The following TBC1D22A variants were observed in gnomAD, a reference collection of about 807,000 sequenced individuals.
The protein encoded by TBC1D22A is TBC1 domain family member 22A, also known as putative GTPase activator.
Under a neutral mutation model 60.2 loss-of-function variants are expected in TBC1D22A, and 38 were observed. That is an observed-to-expected ratio of 0.63 (90% CI 0.49 to 0.83). The LOEUF (loss-of-function observed/expected upper bound fraction) is 0.83, where lower values mean the gene tolerates loss of function less well. Ranked by LOEUF, TBC1D22A falls within the 40% of genes least tolerant of loss-of-function variation. The probability of loss-of-function intolerance (pLI) is 0.00; values close to 1 mark genes in which losing one functional copy is unlikely to be tolerated. For synonymous variants in TBC1D22A, 302 were observed against 281.7 expected (o/e 1.07, Z -0.72); for missense variants, 628 against 701.0 (o/e 0.90, Z 1.18).
intron 9 of TBC1D22A, among the ~76,000 whole-genome samples, chr22:46,982,493 A>G (rs1602793208): frequency 6.6e-6 from 1 of 152,064 alleles, no homozygotes; most frequent in East Asian, 1.9e-4. Context: ...AAGTGCTGGG[A>G]TTACAGGCGT....
chr22:47,143,306 G>A lies in TBC1D22A; in HGVS notation c.1426-30192G>A, dbSNP rs547119813. On this transcript the variant is annotated intron_variant, in intron 12 of 12. Coordinates refer to ENST00000337137, the MANE Select transcript of TBC1D22A (RefSeq NM_014346.5). ...CTGACAGCAACTTTTGTGCCTGTAA[G>A]TCCATAAATCTCTGGCCTGAGTACT... Among the ~76,000 whole-genome samples, 31 of 152,316 alleles carry A rather than the reference G, an allele frequency of 2.0e-4. No homozygotes were observed. The South Asian group carries it at 4.6e-3, about 22-fold the overall frequency.
chr22:47,127,310 C>G lies in TBC1D22A; in HGVS notation c.1425+15707C>G, dbSNP rs2066495691. 2.0e-5 allele frequency among the ~76,000 whole-genome samples: 3 copies of G among 149,762 alleles called. No homozygotes were observed. In the South Asian group the frequency reaches 6.3e-4, roughly 32 times the overall value. On this transcript the variant is annotated intron_variant, in intron 12 of 12. Transcript: ENST00000337137. ...TGACGCGATCTTGGCTCACTGCAAC[C>G]TCCGCCTCCCGGGTTCAAGCTATTC...
intron 8 of TBC1D22A, among the ~76,000 whole-genome samples, chr22:46,923,371 A>T (rs1176945330): frequency 6.6e-6 from 1 of 152,224 alleles, no homozygotes; most frequent in Admixed American, 6.5e-5. Context: ...CCTGGGCTCT[A>T]CTTCAGTTCC....
At chr22:46,910,335 T>TC (rs1382059497) in intron 7 of TBC1D22A, among the ~76,000 whole-genome samples, 1 of 152,072 alleles carries the variant, frequency 6.6e-6, no homozygotes, top group Non-Finnish European at 1.5e-5. Context: ...CCCAGGTCCC[T>TC]CCTTTGTAGG....
intron 8 of TBC1D22A, among the ~76,000 whole-genome samples, chr22:46,937,298 G>C (rs148443157): frequency 2.0e-5 from 3 of 152,188 alleles, no homozygotes; most frequent in African/African-American, 7.2e-5. Flanking sequence ...AGGATATACA[G>C]TTCTGCGCCA....
intron 1 of TBC1D22A, among the ~76,000 whole-genome samples, chr22:46,790,804 T>C (rs565242517): frequency 6.6e-6 from 1 of 152,374 alleles, no homozygotes; most frequent in East Asian, 1.9e-4. Flanking sequence ...CAGTGGCCTT[T>C]TTAATGTGTG....
intron 1 of TBC1D22A, among the ~76,000 whole-genome samples, chr22:46,792,300 TGTGTGGG>T (rs1021959056): frequency 1.3e-5 from 2 of 151,992 alleles, no homozygotes; most frequent in African/African-American, 4.8e-5. Flanking sequence ...ATGCCCTGCT[TGTGTGGG>T]GTGTGGGGTG....
chr22:47,099,035 A>G (rs561278970), intron 11 of TBC1D22A, among the ~76,000 whole-genome samples: 18 of 152,322 alleles, frequency 1.2e-4, no homozygotes, highest in Admixed American at 6.5e-5. Flanking sequence ...TAATCCAGGG[A>G]AAACCCCTCT....
At chr22:47,171,714 G>A (rs183789983) in intron 12 of TBC1D22A, among the ~76,000 whole-genome samples, 1 of 152,200 alleles carries the variant, frequency 6.6e-6, no homozygotes, top group Non-Finnish European at 1.5e-5. Context: ...TGTGGGCGTG[G>A]TCATGTGGGA....
At chr22:46,885,407 C>T (rs1183990661) in intron 5 of TBC1D22A, among the ~76,000 whole-genome samples, 3 of 152,196 alleles carry the variant, frequency 2.0e-5, no homozygotes, top group African/African-American at 4.8e-5. Flanking sequence ...GGGACAGTGA[C>T]GGCCTTCTGT....
chr22:46,881,555 G>A (rs540839831), intron 5 of TBC1D22A, among the ~76,000 whole-genome samples: 11 of 152,342 alleles, frequency 7.2e-5, no homozygotes, highest in South Asian at 6.2e-4. Flanking sequence ...GTGGACAGGC[G>A]TGTGGCAGGC....
intron 4 of TBC1D22A, among the ~76,000 whole-genome samples, chr22:46,868,508 G>C (rs2067158615): frequency 3.3e-5 from 5 of 152,040 alleles, no homozygotes; most frequent in Admixed American, 3.3e-4. Context: ...GGGATCCCAA[G>C]CTTTTTGGAT....
At chr22:47,161,681 C>G (rs9626945) in intron 12 of TBC1D22A, among the ~76,000 whole-genome samples, 1,889 of 152,340 alleles carry the variant, frequency 0.012, 40 homozygotes, top group African/African-American at 0.042. Context: ...GGGTGCACAC[C>G]TGGAAATGAG....
At chr22:46,977,933 C>T (rs925518976) in intron 9 of TBC1D22A, among the ~76,000 whole-genome samples, 1 of 152,242 alleles carries the variant, frequency 6.6e-6, no homozygotes, top group African/African-American at 2.4e-5. Context: ...TACAATTCAA[C>T]ATGAGATTTG....
intron 12 of TBC1D22A, among the ~76,000 whole-genome samples, chr22:47,127,250 CAG>C (rs1236679162): frequency 8.1e-6 from 1 of 124,036 alleles, no homozygotes; most frequent in Non-Finnish European, 1.6e-5. Flanking sequence ...TTTTTTGAGA[CAG>C]AGTCTTGCTC....
chr22:46,895,830 C>T (rs148383693), intron 7 of TBC1D22A, among the ~76,000 whole-genome samples: 133 of 152,286 alleles, frequency 8.7e-4, no homozygotes, highest in African/African-American at 2.9e-3. Context: ...GGAGCCTTCA[C>T]GTACATTTAT....
At chr22:47,030,802 A>G (rs370761705) in intron 10 of TBC1D22A, among the ~76,000 whole-genome samples, 9 of 152,348 alleles carry the variant, frequency 5.9e-5, no homozygotes, top group East Asian at 1.9e-4. Flanking sequence ...CGGCATGTAC[A>G]TTTGCAGCTT....
intron 12 of TBC1D22A, among the ~76,000 whole-genome samples, chr22:47,155,530 G>C (rs2067678787): frequency 6.6e-6 from 1 of 152,218 alleles, no homozygotes; most frequent in Non-Finnish European, 1.5e-5. Flanking sequence ...GAGCCGCCCT[G>C]GGGATGCCCG....
At chr22:46,986,081 T>C (rs1300757247) in intron 9 of TBC1D22A, among the ~76,000 whole-genome samples, 1 of 152,274 alleles carries the variant, frequency 6.6e-6, no homozygotes, top group Admixed American at 6.5e-5. Flanking sequence ...ACTTAATTTC[T>C]GTATATGGTG....
Sources: allele counts gnomAD v4.1 joint callset (sites outside exome capture counted in the v4.1 genomes callset), GRCh38; gene constraint gnomAD v4.1.1; transcripts MANE v1.5; gene names NCBI Gene and HGNC (gene_info 2026-07-23, HGNC 2026-07-21).